EPB41L5: variants seen among roughly 807,000 people sequenced by gnomAD.
EPB41L5 encodes band 4.1-like protein 5.
A neutral mutation model predicts 106.6 loss-of-function variants in EPB41L5; 55 were observed. That is an observed-to-expected ratio of 0.52 (90% confidence interval 0.42 to 0.65). The LOEUF (loss-of-function observed/expected upper bound fraction) is 0.65, where lower values mean the gene tolerates loss of function less well. Ranked by LOEUF, EPB41L5 falls within the 30% of genes least tolerant of loss-of-function variation. EPB41L5 has a pLI of 0.00. For synonymous variants in EPB41L5, 297 were observed against 306.7 expected (o/e 0.97, Z 0.33); for missense variants, 871 against 882.1 (o/e 0.99, Z 0.16).
chr2:120,072,957 T>A (rs1345375123), intron 3 of EPB41L5, among the ~76,000 whole-genome samples: 1 of 151,886 alleles, frequency 6.6e-6, no homozygotes, highest in Non-Finnish European at 1.5e-5. Context: ...TCTGTCAGGT[T>A]TTAGGTCGTT....
intron 2 of EPB41L5, among the ~76,000 whole-genome samples, chr2:120,037,607 A>G (rs968548136): frequency 6.6e-6 from 1 of 152,124 alleles, no homozygotes; most frequent in Non-Finnish European, 1.5e-5. Flanking sequence ...GCTTGAGACC[A>G]GGAGTTCAAG....
intron 2 of EPB41L5, among the ~76,000 whole-genome samples, chr2:120,041,034 T>C (rs1679370198): frequency 1.3e-5 from 2 of 152,206 alleles, no homozygotes; most frequent in South Asian, 4.1e-4. Context: ...ATAGTTACAG[T>C]ATTAGAAATT....
At chr2:120,107,816 A>G (rs1684536953) in intron 16 of EPB41L5, among the ~76,000 whole-genome samples, 1 of 152,194 alleles carries the variant, frequency 6.6e-6, no homozygotes, top group Non-Finnish European at 1.5e-5. Context: ...TGTAGAAATT[A>G]GGACATGAAG....
At chr2:120,048,529 G>T (rs553908218) in intron 3 of EPB41L5, among the ~76,000 whole-genome samples, 1 of 151,158 alleles carries the variant, frequency 6.6e-6, no homozygotes, top group African/African-American at 2.4e-5. Context: ...TTTTTATTGC[G>T]TCTATTTGAT....
At chr2:120,163,956 CT>C (rs987732326) in intron 21 of EPB41L5, among the ~76,000 whole-genome samples, 3 of 133,538 alleles carry the variant, frequency 2.2e-5, no homozygotes, top group African/African-American at 8.8e-5. Context: ...CTCAAAACAA[CT>C]TTTTTTTATT....
chr2:120,035,044 A>T (rs934291663), intron 2 of EPB41L5, among the ~76,000 whole-genome samples: 2 of 152,192 alleles, frequency 1.3e-5, no homozygotes, highest in Non-Finnish European at 2.9e-5. Context: ...GCACATACAC[A>T]GTTGGGAATT....
chr2:120,075,802 G>T (rs1012266603), intron 7 of EPB41L5, 49 bp downstream of exon 7: 1 of 1,431,460 alleles, frequency 7.0e-7, no homozygotes. Flanking sequence ...AATCTTTTTT[G>T]TGTGTGTTTT....
chr2:120,164,739 G>A, intron 21 of EPB41L5, 97 bp from the exon 22 acceptor site: 1 of 764,702 alleles, frequency 1.3e-6, no homozygotes, highest in Non-Finnish European at 2.2e-6. Flanking sequence ...CACTAATCAG[G>A]CCTGTGTCAG....
chr2:120,075,586 TA>T (rs1682172680), intron 6 of EPB41L5, 66 bp downstream of exon 6: 1 of 1,427,734 alleles, frequency 7.0e-7, no homozygotes, highest in African/African-American at 1.4e-5. Context: ...ATTTTGAAAA[TA>T]AGTTTATAGT....
intron 17 of EPB41L5, among the ~76,000 whole-genome samples, chr2:120,128,319 ATC>A (rs1194876947): frequency 2.0e-5 from 3 of 150,386 alleles, no homozygotes; most frequent in East Asian, 1.9e-4. Flanking sequence ...GAGACAGTAA[ATC>A]TCTCATTGAA....
chr2:120,081,901 C>T (rs1174717803), intron 10 of EPB41L5, among the ~76,000 whole-genome samples: 2 of 152,094 alleles, frequency 1.3e-5, no homozygotes, highest in Non-Finnish European at 2.9e-5. Flanking sequence ...CATGATTTGG[C>T]TCTCTGTTTG....
At chr2:120,035,934 G>A (rs1319646519) in intron 2 of EPB41L5, among the ~76,000 whole-genome samples, 1 of 152,152 alleles carries the variant, frequency 6.6e-6, no homozygotes, top group African/African-American at 2.4e-5. Context: ...TGGAGTGTGT[G>A]TGTGGTAATG....
intron 20 of EPB41L5, 108 bp from the exon 21 acceptor site, chr2:120,160,773 C>T: frequency 8.4e-6 from 6 of 714,856 alleles, no homozygotes; most frequent in Middle Eastern, 2.5e-4. Context: ...TTTCATATAC[C>T]TTCCCCTACA....
chr2:120,126,074 G>A (rs1052048980), intron 16 of EPB41L5, among the ~76,000 whole-genome samples: 13 of 152,010 alleles, frequency 8.6e-5, no homozygotes, highest in Admixed American at 2.0e-4. Flanking sequence ...CAGTCATAGC[G>A]GATTAGCTGC....
At chr2:120,165,573 A>G (rs1687360111) in intron 22 of EPB41L5, among the ~76,000 whole-genome samples, 1 of 152,150 alleles carries the variant, frequency 6.6e-6, no homozygotes, top group Admixed American at 6.5e-5. Context: ...TTTCCCTCCA[A>G]ATATTTTCGA....
At position 120,174,247 on chromosome 2, in the gene EPB41L5, G is replaced by A. The variant is rs141544557; in HGVS notation, c.2136-594G>A. ...GAGGAGGGCAGATGGCTTGAGCCCA[G>A]AAGTTTGAGACCAGCCTGGGCAACA... On this transcript the variant is annotated intron_variant, in intron 24 of 24. Coordinates refer to ENST00000263713, the MANE Select transcript of EPB41L5 (RefSeq NM_020909.4). Among the ~76,000 whole-genome samples the A allele has an allele frequency of 1.6e-4, 24 of 152,304 alleles. No homozygotes were observed. In the East Asian group the frequency reaches 3.5e-3, roughly 22 times the overall value.
At chr2:120,022,340 C>G (rs1291386345) in intron 2 of EPB41L5, among the ~76,000 whole-genome samples, 1 of 152,020 alleles carries the variant, frequency 6.6e-6, no homozygotes, top group Non-Finnish European at 1.5e-5. Context: ...CCTAACCCCC[C>G]ACCCCCCGAC....
intron 10 of EPB41L5, among the ~76,000 whole-genome samples, chr2:120,086,585 G>A (rs1683069635): frequency 6.6e-6 from 1 of 152,034 alleles, no homozygotes; most frequent in South Asian, 2.1e-4. Flanking sequence ...AACGTAGCGA[G>A]ATGCCGTCTC....
At chr2:120,087,675 G>C (rs2105358038) in intron 11 of EPB41L5, among the ~76,000 whole-genome samples, 1 of 152,246 alleles carries the variant, frequency 6.6e-6, no homozygotes, top group East Asian at 1.9e-4. Flanking sequence ...TATTTGTAGA[G>C]ATGGGATCTC....
Sources: allele counts gnomAD v4.1 joint callset (sites outside exome capture counted in the v4.1 genomes callset), GRCh38; gene constraint gnomAD v4.1.1; transcripts MANE v1.5; gene names NCBI Gene and HGNC (gene_info 2026-07-23, HGNC 2026-07-21).